Variants in USP26 observed in about 807,000 individuals in gnomAD.
USP26 encodes the protein ubiquitin specific peptidase 26.
For missense variants in USP26, 649 were observed against 642.3 expected (o/e 1.01, Z -0.11); for synonymous variants, 236 against 240.6 (o/e 0.98, Z 0.18).
chrX:133,078,687 A>G (rs2067559376), intron 5 of USP26, among the ~76,000 whole-genome samples: 1 of 112,473 alleles, frequency 8.9e-6, no homozygotes, highest in Non-Finnish European at 1.9e-5. Context: ...TAAAGTACAA[A>G]GTGCTTCTGT....
intron 5 of USP26, among the ~76,000 whole-genome samples, chrX:133,052,544 C>T (rs1240826306): frequency 8.9e-6 from 1 of 112,371 alleles, no homozygotes; most frequent in Admixed American, 9.4e-5. Context: ...AGTTCCTCCA[C>T]AGATATCACT....
In USP26 at chrX:133,024,207, A is replaced by G. The variant is rs2067335870; in HGVS notation, c.*1272T>C. Among the ~76,000 whole-genome samples the G allele has an allele frequency of 9.0e-6, 1 of 110,952 alleles. No individual in the cohort carries two copies. Among genetic ancestry groups the G allele is most frequent in the African/African-American group, 3.3e-5 (1 of 30,449 alleles). ...ACAAGTAATACTTTCAAATTCTACA[A>G]GTCCACTTTAAAGCATATATTGCTT... On this transcript the variant is annotated 3_prime_UTR_variant, in exon 6 of 6. Transcript: ENST00000511190.
At chrX:133,053,585 CT>C (rs1348949668) in intron 5 of USP26, among the ~76,000 whole-genome samples, 1 of 109,800 alleles carries the variant, frequency 9.1e-6, no homozygotes, top group African/African-American at 3.3e-5. Context: ...CTAATATTCC[CT>C]GCTGGTATAA....
chrX:133,044,670 G>A (rs767293843), intron 5 of USP26, among the ~76,000 whole-genome samples: 6 of 113,141 alleles, frequency 5.3e-5, no homozygotes, highest in East Asian at 2.8e-4. Flanking sequence ...GCTCCCCACC[G>A]TGGGCTCCTG....
In USP26 at chrX:133,028,312, C is replaced by T; in HGVS notation, c.-76-16G>A. 1.0e-6 allele frequency: 1 copy of T among 990,971 alleles called. No homozygotes were observed. Among genetic ancestry groups the T allele is most frequent in the Non-Finnish European group, 1.4e-6 (1 of 703,768 alleles). The allele number at this position is 990,971 out of a possible 1,213,427, so 81.7% of individuals were successfully genotyped here. ...GCAAGTTCAGCTGTGAAGACAACAC[C>T]AAAGAAATAGTTCATTAGTTCTCTA... is the stretch of plus-strand genomic sequence containing the variant. On this transcript the variant is annotated splice_polypyrimidine_tract_variant and intron_variant, in intron 5 of 5. Coordinates refer to ENST00000511190, the MANE Select transcript of USP26 (RefSeq NM_031907.3).
chrX:133,088,528 G>A (rs1037570116), intron 4 of USP26, among the ~76,000 whole-genome samples: 1 of 111,243 alleles, frequency 9.0e-6, no homozygotes, highest in Non-Finnish European at 1.9e-5. Context: ...ACAGGCCACC[G>A]CCCAGTACCA....
At chrX:133,093,646 A>C (rs1480103485) in intron 1 of USP26, among the ~76,000 whole-genome samples, 1 of 110,150 alleles carries the variant, frequency 9.1e-6, no homozygotes, top group East Asian at 2.9e-4. Context: ...AAGAAAAAAA[A>C]ATCCTCAACT....
chrX:133,028,446 G>T, intron 5 of USP26, 150 bp from the exon 6 acceptor site: 1 of 424,368 alleles, frequency 2.4e-6, no homozygotes, highest in Non-Finnish European at 4.1e-6. Flanking sequence ...GCCTTCCATG[G>T]CTGCATGAAG....
intron 5 of USP26, among the ~76,000 whole-genome samples, chrX:133,057,155 G>C (rs2067478193): frequency 9.0e-6 from 1 of 111,257 alleles, no homozygotes; most frequent in Admixed American, 9.6e-5. Flanking sequence ...AGGTATACAT[G>C]TGCCATAGTG....
intron 5 of USP26, among the ~76,000 whole-genome samples, chrX:133,054,239 C>A (rs758499505): frequency 1.3e-4 from 15 of 111,557 alleles, no homozygotes; most frequent in Non-Finnish European, 2.6e-4. Context: ...GCATTTAATT[C>A]TTTAACTATA....
intron 5 of USP26, among the ~76,000 whole-genome samples, chrX:133,038,233 T>C (rs1258059897): frequency 9.0e-6 from 1 of 111,695 alleles, no homozygotes; most frequent in Non-Finnish European, 1.9e-5. Flanking sequence ...GGCATCCTTG[T>C]CTTCTGCTGG....
chrX:133,071,218 AAATAAT>A (rs1295722266), intron 5 of USP26, among the ~76,000 whole-genome samples: 1 of 110,000 alleles, frequency 9.1e-6, no homozygotes, highest in African/African-American at 3.3e-5. Context: ...TCCATCACAA[AAATAAT>A]AATAATAATA....
chrX:133,080,061 G>A (rs1441582260), intron 5 of USP26, among the ~76,000 whole-genome samples: 1 of 111,367 alleles, frequency 9.0e-6, no homozygotes, highest in Non-Finnish European at 1.9e-5. Flanking sequence ...GAGCCAAATG[G>A]AAGAAGTACA....
intron 5 of USP26, among the ~76,000 whole-genome samples, chrX:133,058,027 G>A (rs1352737764): frequency 1.0e-5 from 1 of 99,858 alleles, no homozygotes; most frequent in Non-Finnish European, 2.0e-5. Flanking sequence ...ACAGGTGCCC[G>A]CCACCATGCC....
intron 5 of USP26, among the ~76,000 whole-genome samples, chrX:133,081,244 A>T (rs1299746946): frequency 3.6e-5 from 4 of 111,556 alleles, no homozygotes; most frequent in African/African-American, 1.3e-4. Context: ...GATAAAAAAA[A>T]TTGTTCTCAG....
At chrX:133,079,173 G>A (rs1478300664) in intron 5 of USP26, among the ~76,000 whole-genome samples, 3 of 111,601 alleles carry the variant, frequency 2.7e-5, no homozygotes, top group African/African-American at 9.8e-5. Flanking sequence ...TAAATATCCA[G>A]ACTGTGCATG....
intron 5 of USP26, among the ~76,000 whole-genome samples, chrX:133,062,060 C>T (rs974250024): frequency 6.3e-5 from 7 of 111,864 alleles, no homozygotes; most frequent in Middle Eastern, 4.6e-3. Context: ...CGACCTGAGA[C>T]AATCGAGCTT....
chrX:133,025,331 T>G lies in USP26; in HGVS notation c.*148A>C. 1 of 897,340 alleles carries G rather than the reference T, an allele frequency of 1.1e-6. No individual in the cohort carries two copies. Among genetic ancestry groups the G allele is most frequent in the Non-Finnish European group, 1.5e-6 (1 of 650,826 alleles). 74.0% of individuals were successfully genotyped at this position (897,340 alleles called of 1,213,427 possible). A position where few individuals can be genotyped will look rare whatever the true frequency, so the allele number is the denominator to read the frequency against. On this transcript the variant is annotated 3_prime_UTR_variant, in exon 6 of 6. Transcript: ENST00000511190. ...GTCTGTGTCAGGATTAGAATGCAGA[T>G]CTCCCCATTAAGTGTTTCTGTTTGA...
rs2067348704 is a variant in USP26 at position 133,026,343 on chromosome X, T to C, written c.1878A>G (p.Gln626=). 1 of 1,201,618 alleles carries C rather than the reference T, an allele frequency of 8.3e-7. No homozygotes were observed. The highest frequency in any genetic ancestry group is 1.8e-5 in the African/African-American group (1 of 55,220). Reference sequence around the variant, plus strand: ...GTTTAGAATTTTTTCCAAGGTACTTTTGCTGCTGTCTTCTGCTTGCCCCTT... The same window carrying C: ...GTTTAGAATTTTTTCCAAGGTACTTCTGCTGCTGTCTTCTGCTTGCCCCTT... The part of the protein sequence containing the change: ...VFKGASRRQQ[Q]KYLGKNSKPN... The change falls in exon 6 of 6, where the codon CAA becomes CAG. Residue 626 remains glutamine, a synonymous_variant. Transcript: ENST00000511190.
Sources: allele counts gnomAD v4.1 joint callset (sites outside exome capture counted in the v4.1 genomes callset), GRCh38; gene constraint gnomAD v4.1.1; transcripts MANE v1.5; gene names NCBI Gene and HGNC (gene_info 2026-07-23, HGNC 2026-07-21).